Variants in LRRC20 observed in about 807,000 individuals in gnomAD.
The protein encoded by LRRC20 is leucine-rich repeat-containing protein 20.
In LRRC20, 11 loss-of-function variants were observed where a neutral mutation model predicts 14.4. The ratio of observed to expected loss-of-function variants is 0.77; its 90% CI spans 0.48 to 1.27. The LOEUF is 1.27. Among genes scored for constraint, LRRC20 ranks in the 50% most tolerant of loss-of-function variants. The pLI, the probability that LRRC20 is intolerant of heterozygous loss-of-function variation, is 0.00. For missense variants in LRRC20, 219 were observed against 251.2 expected, an observed-to-expected ratio of 0.87 and a Z score of 0.87; for synonymous variants, 121 against 107.3, an observed-to-expected ratio of 1.13 and a Z score of -0.79.
At chr10:70,349,546 C>T (rs557341601) in intron 2 of LRRC20, among the ~76,000 whole-genome samples, 1 of 152,274 alleles carries the variant, frequency 6.6e-6, no homozygotes, top group Admixed American at 6.5e-5. Flanking sequence ...CCACTGCACT[C>T]CAGCCTGGGC....
At chr10:70,365,719 A>C (rs1843961276) in intron 2 of LRRC20, among the ~76,000 whole-genome samples, 1 of 152,004 alleles carries the variant, frequency 6.6e-6, no homozygotes, top group Non-Finnish European at 1.5e-5. Context: ...AAAACTAAAA[A>C]GAAAGAAAAC....
At chr10:70,321,938 A>G (rs1047834730) in intron 4 of LRRC20, among the ~76,000 whole-genome samples, 12 of 152,180 alleles carry the variant, frequency 7.9e-5, no homozygotes, top group Non-Finnish European at 8.8e-5. Context: ...GAAAAGCGAG[A>G]TATGTCTATG....
intron 2 of LRRC20, among the ~76,000 whole-genome samples, chr10:70,372,658 G>A (rs542760096): frequency 3.9e-4 from 59 of 151,960 alleles, no homozygotes; most frequent in Admixed American, 3.1e-3. Flanking sequence ...TAGCCAGGAT[G>A]GTTTCGATCT....
chr10:70,303,905 AT>A (rs1841306413), intron 4 of LRRC20, among the ~76,000 whole-genome samples: 1 of 152,210 alleles, frequency 6.6e-6, no homozygotes, highest in Non-Finnish European at 1.5e-5. Flanking sequence ...TGACAGAAGT[AT>A]TTTGGAATTA....
At chr10:70,342,837 G>C (rs559002291) in intron 2 of LRRC20, among the ~76,000 whole-genome samples, 1 of 151,742 alleles carries the variant, frequency 6.6e-6, no homozygotes, top group African/African-American at 2.4e-5. Context: ...CCCCAACCTC[G>C]AACCCCAGCA....
chr10:70,376,347 G>T (rs1844505620), intron 2 of LRRC20, 105 bp downstream of exon 2: 1 of 1,085,714 alleles, frequency 9.2e-7, no homozygotes, highest in Non-Finnish European at 1.4e-6. Context: ...TTATTCTCAG[G>T]ATGAGGTTGC....
chr10:70,378,577 A>G (rs1178641453), intron 1 of LRRC20, among the ~76,000 whole-genome samples: 1 of 151,988 alleles, frequency 6.6e-6, no homozygotes, highest in Non-Finnish European at 1.5e-5. Flanking sequence ...ACCTAAGGTC[A>G]GGAATGCAAG....
At chr10:70,320,363 A>G (rs1459892175) in intron 4 of LRRC20, among the ~76,000 whole-genome samples, 1 of 151,626 alleles carries the variant, frequency 6.6e-6, no homozygotes, top group Non-Finnish European at 1.5e-5. Flanking sequence ...GCATGCACAT[A>G]GTAAAACTGA....
chr10:70,313,027 G>A (rs1405865769), intron 4 of LRRC20, among the ~76,000 whole-genome samples: 1 of 152,230 alleles, frequency 6.6e-6, no homozygotes, highest in African/African-American at 2.4e-5. Context: ...TGGGCATTGA[G>A]GGGGCCACCC....
chr10:70,346,867 T>TA (rs1843091667), intron 2 of LRRC20, among the ~76,000 whole-genome samples: 1 of 152,160 alleles, frequency 6.6e-6, no homozygotes, highest in Admixed American at 6.5e-5. Flanking sequence ...ACTTTTAAAA[T>TA]AAAAAATTAA....
At chr10:70,365,354 G>A (rs970770183) in intron 2 of LRRC20, among the ~76,000 whole-genome samples, 2 of 152,156 alleles carry the variant, frequency 1.3e-5, no homozygotes, top group South Asian at 2.1e-4. Context: ...CACCGCGCCC[G>A]GCGAGATTCA....
intron 1 of LRRC20, among the ~76,000 whole-genome samples, chr10:70,380,260 C>T (rs1844656458): frequency 6.6e-6 from 1 of 152,166 alleles, no homozygotes; most frequent in East Asian, 1.9e-4. Flanking sequence ...AGAAGGGCCC[C>T]TTCCTTCTAT....
At chr10:70,322,984 T>C (rs1842149670) in intron 4 of LRRC20, among the ~76,000 whole-genome samples, 1 of 151,728 alleles carries the variant, frequency 6.6e-6, no homozygotes, top group South Asian at 2.1e-4. Flanking sequence ...GCCTGCCTCA[T>C]GTTGCTTTTA....
chr10:70,329,516 G>A (rs1280266630), intron 3 of LRRC20, among the ~76,000 whole-genome samples: 2 of 149,818 alleles, frequency 1.3e-5, no homozygotes, highest in Admixed American at 1.3e-4. Context: ...TTTGTCAAAT[G>A]CTTTTTCTTT....
rs142572144 is a variant in LRRC20, at chr10:70,299,498, T to C, written c.*1856A>G. 6.6e-6 allele frequency: 1 copy of C among 152,196 alleles called. No individual in the cohort carries two copies. Among genetic ancestry groups the C allele is most frequent in the Non-Finnish European group, 1.5e-5 (1 of 68,094 alleles). 9.4% of individuals were successfully genotyped at this position (152,196 alleles called of 1,614,324 possible). A position where few individuals can be genotyped will look rare whatever the true frequency, so the allele number is the denominator to read the frequency against. Reference sequence around the variant, plus strand: ...AATGCAGGGTCTGAGTCGGGAGGTATAGGGTGAGGCCTAGACTCTGCATTC... The same window carrying C: ...AATGCAGGGTCTGAGTCGGGAGGTACAGGGTGAGGCCTAGACTCTGCATTC... On this transcript the variant is annotated 3_prime_UTR_variant, in exon 5 of 5. Coordinates refer to ENST00000446961, the MANE Select transcript of LRRC20 (RefSeq NM_001278212.2).
At position 70,376,722 on chromosome 10, in the gene LRRC20, C is replaced by T; in HGVS notation, c.-63-126G>A. ...GAAGCCTGCAGGGAGGGCCCCAGGC[C>T]ACTCACCTCCTCTTGCAGGGCCGAG... On this transcript the variant is annotated intron_variant, in intron 1 of 4. Transcript: ENST00000446961. The T allele has an allele frequency of 5.0e-6, 3 of 597,986 alleles. No individual in the cohort carries two copies. In the South Asian group the frequency reaches 5.9e-5, roughly 12 times the overall value. 37.0% of individuals were successfully genotyped at this position (597,986 alleles called of 1,614,324 possible). A position where few individuals can be genotyped will look rare whatever the true frequency, so the allele number is the denominator to read the frequency against.
chr10:70,342,184 C>G (rs7900456), intron 2 of LRRC20, among the ~76,000 whole-genome samples: 2 of 151,880 alleles, frequency 1.3e-5, no homozygotes. Context: ...GTGGCACATG[C>G]CTGCAATCCC....
intron 3 of LRRC20, 63 bp from the exon 4 acceptor site, chr10:70,324,093 A>C: frequency 6.7e-7 from 1 of 1,502,472 alleles, no homozygotes; most frequent in Non-Finnish European, 9.2e-7. Flanking sequence ...GACCACAGTG[A>C]CTGCCCGCTG....
intron 4 of LRRC20, among the ~76,000 whole-genome samples, chr10:70,306,663 G>A (rs1841437749): frequency 1.3e-5 from 2 of 152,138 alleles, no homozygotes. Context: ...TTACTATTGT[G>A]TGTTTTTTTT....
Sources: allele counts gnomAD v4.1 joint callset (sites outside exome capture counted in the v4.1 genomes callset), GRCh38; gene constraint gnomAD v4.1.1; transcripts MANE v1.5; gene names NCBI Gene and HGNC (gene_info 2026-07-23, HGNC 2026-07-21).